Variants in NRG1 observed in about 807,000 individuals in gnomAD.
NRG1 encodes the protein pro-neuregulin-1, membrane-bound isoform.
In NRG1, 18 loss-of-function variants were observed where a neutral mutation model predicts 63.8. The ratio of observed to expected loss-of-function variants is 0.28; its 90% confidence interval spans 0.19 to 0.42. The LOEUF is 0.42. Among genes scored for constraint, NRG1 ranks in the 10% least tolerant of loss-of-function variants. The pLI, the probability that NRG1 is intolerant of heterozygous loss-of-function variation, is 1.00. For synonymous variants in NRG1, 302 were observed against 301.3 expected (o/e 1.00, Z -0.02); for missense variants, 762 against 814.7 (o/e 0.94, Z 0.79).
intron 1 of NRG1, among the ~76,000 whole-genome samples, chr8:32,334,179 T>A (rs1446447266): frequency 6.6e-6 from 1 of 152,240 alleles, no homozygotes; most frequent in African/African-American, 2.4e-5. Context: ...GACCTTTTCA[T>A]CTTTTTCACT....
chr8:31,880,831 T>G (rs1830293466), intron 1 of NRG1, among the ~76,000 whole-genome samples: 1 of 152,204 alleles, frequency 6.6e-6, no homozygotes, highest in African/African-American at 2.4e-5. Flanking sequence ...TTTGAATGGC[T>G]TAAAGGAGTA....
intron 1 of NRG1, among the ~76,000 whole-genome samples, chr8:31,738,816 T>C (rs1814955860): frequency 6.6e-6 from 1 of 152,134 alleles, no homozygotes; most frequent in Non-Finnish European, 1.5e-5. Flanking sequence ...CCTGTATGTC[T>C]CTGTCTCTCT....
intron 1 of NRG1, among the ~76,000 whole-genome samples, chr8:31,691,133 G>A (rs933106350): frequency 9.2e-5 from 14 of 152,112 alleles, no homozygotes; most frequent in African/African-American, 3.1e-4. Context: ...CACCCTTTTT[G>A]ACAGCAGTAG....
chr8:32,520,844 G>A (rs966432047), intron 1 of NRG1, among the ~76,000 whole-genome samples: 1 of 152,062 alleles, frequency 6.6e-6, no homozygotes, highest in African/African-American at 2.4e-5. Flanking sequence ...GTCCCTCTGG[G>A]GACATGAATC....
chr8:32,168,230 C>G (rs1839612280), intron 1 of NRG1, among the ~76,000 whole-genome samples: 1 of 152,092 alleles, frequency 6.6e-6, no homozygotes, highest in South Asian at 2.1e-4. Flanking sequence ...AACTCAATCC[C>G]AGTGATCAGG....
intron 1 of NRG1, among the ~76,000 whole-genome samples, chr8:31,916,353 C>A (rs937332638): frequency 3.9e-5 from 6 of 152,096 alleles, no homozygotes; most frequent in Middle Eastern, 3.4e-3. Flanking sequence ...CAATGCTATC[C>A]CTCCCCCTAC....
intron 1 of NRG1, among the ~76,000 whole-genome samples, chr8:31,695,176 A>G (rs1809928499): frequency 6.6e-6 from 1 of 152,010 alleles, no homozygotes; most frequent in Non-Finnish European, 1.5e-5. Context: ...ACTTTTATTT[A>G]TTTATTTTTT....
intron 1 of NRG1, among the ~76,000 whole-genome samples, chr8:31,886,011 T>C (rs1411931280): frequency 6.6e-6 from 1 of 152,138 alleles, no homozygotes. Context: ...TGTATTTGTT[T>C]TCATTAGTAA....
rs886484140 is a variant in NRG1, at chr8:32,031,665, T to C, written c.37+392234T>C. Among the ~76,000 whole-genome samples the C allele has an allele frequency of 3.8e-4, 58 of 152,160 alleles. 1 individual carries two copies. The highest frequency in any genetic ancestry group is 1.3e-3 in the African/African-American group (52 of 41,434). ...TGTGTTGTTCCCCTCCCTGTGTCCA[T>C]GTGTTCTTATTGTTCAGCTCCTACT... is the stretch of plus-strand genomic sequence containing the variant. On this transcript the variant is annotated intron_variant, in intron 1 of 10. Coordinates refer to the NRG1 transcript ENST00000519301.
chr8:31,950,882 G>A (rs1448464937), intron 1 of NRG1, among the ~76,000 whole-genome samples: 1 of 152,162 alleles, frequency 6.6e-6, no homozygotes, highest in Admixed American at 6.5e-5. Flanking sequence ...TTTAATAGCT[G>A]AGAAAAACAA....
chr8:32,658,159 A>G (rs1801977188), intron 5 of NRG1, among the ~76,000 whole-genome samples: 1 of 152,184 alleles, frequency 6.6e-6, no homozygotes, highest in East Asian at 1.9e-4. Context: ...AATAACCTAC[A>G]TAGCCGCTGC....
At chr8:32,268,527 CA>C (rs1851222910) in intron 1 of NRG1, among the ~76,000 whole-genome samples, 1 of 152,148 alleles carries the variant, frequency 6.6e-6, no homozygotes, top group Admixed American at 6.5e-5. Context: ...AAACTTTCAA[CA>C]GGCTGATCAC....
chr8:32,064,734 T>A (rs895105272), intron 1 of NRG1, among the ~76,000 whole-genome samples: 1 of 152,174 alleles, frequency 6.6e-6, no homozygotes, highest in Admixed American at 6.6e-5. Context: ...ACTTATAAGC[T>A]ATACCTGTCA....
intron 1 of NRG1, among the ~76,000 whole-genome samples, chr8:32,080,550 G>A (rs1827287232): frequency 6.6e-6 from 1 of 152,126 alleles, no homozygotes; most frequent in South Asian, 2.1e-4. Context: ...AATTACAGAA[G>A]TAACTACTAA....
In NRG1 at chr8:32,595,757, A is replaced by G. The variant is rs771165115; in HGVS notation, c.101-71A>G. The G allele has an allele frequency of 7.0e-6, 10 of 1,432,508 alleles. No individual in the cohort carries two copies. The Admixed American group carries it at 1.3e-4, about 18-fold the overall frequency. 88.7% of individuals were successfully genotyped at this position (1,432,508 alleles called of 1,614,324 possible). ...ATGGTGCCTTGATCAGGCTAACTCCAGATTAAATGTTTCTCTTTGAAAGAT... is the reference window on the plus strand; with the variant it reads ...ATGGTGCCTTGATCAGGCTAACTCCGGATTAAATGTTTCTCTTTGAAAGAT... On this transcript the variant is annotated intron_variant, in intron 1 of 11. Coordinates refer to ENST00000356819, the Ensembl canonical transcript of NRG1.
At chr8:32,145,301 T>G (rs756553977) in intron 1 of NRG1, among the ~76,000 whole-genome samples, 3 of 152,176 alleles carry the variant, frequency 2.0e-5, no homozygotes, top group Non-Finnish European at 4.4e-5. Context: ...AGTATTTAGG[T>G]GTAACTTTCT....
At chr8:32,603,055 T>C (rs1185639087) in intron 2 of NRG1, among the ~76,000 whole-genome samples, 1 of 152,206 alleles carries the variant, frequency 6.6e-6, no homozygotes, top group African/African-American at 2.4e-5. Flanking sequence ...TTTTGGCTTA[T>C]AGGGATATAC....
At chr8:31,931,332 A>G (rs1834846008) in intron 1 of NRG1, among the ~76,000 whole-genome samples, 1 of 152,162 alleles carries the variant, frequency 6.6e-6, no homozygotes, top group Non-Finnish European at 1.5e-5. Flanking sequence ...GAGGAACTAA[A>G]AAAAGGCTGA....
intron 1 of NRG1, among the ~76,000 whole-genome samples, chr8:32,413,270 A>C (rs1301817158): frequency 2.0e-5 from 3 of 152,322 alleles, no homozygotes; most frequent in Non-Finnish European, 4.4e-5. Context: ...ACTCAGTGAA[A>C]TACTACCTTC....
Sources: gnomAD v4.1 joint callset for allele counts (sites outside exome capture counted in the v4.1 genomes callset) on GRCh38, gnomAD v4.1.1 for gene constraint, MANE v1.5 for transcripts, NCBI Gene and HGNC (gene_info 2026-07-23, HGNC 2026-07-21) for gene names.